The following HDAC5 variants were observed in gnomAD, a reference collection of about 807,000 sequenced individuals.
HDAC5 encodes histone deacetylase 5.
A neutral mutation model predicts 133.3 loss-of-function variants in HDAC5; 25 were observed. The ratio of observed to expected loss-of-function variants is 0.19; its 90% CI spans 0.14 to 0.26. The LOEUF is 0.26. Among genes scored for constraint, HDAC5 ranks in the 10% least tolerant of loss-of-function variants. HDAC5 has a pLI of 1.00. For missense variants in HDAC5, 1,041 were observed against 1,460.5 expected (o/e 0.71, Z 4.68); for synonymous variants, 589 against 610.8 (o/e 0.96, Z 0.53).
chr17:44,120,406 G>A (rs992582647), intron 1 of HDAC5: 1 of 152,166 alleles, frequency 6.6e-6, no homozygotes, highest in Admixed American at 6.5e-5. Context: ...CAAGTCTTGG[G>A]AGTCTGAGAT....
intron 3 of HDAC5, among the ~76,000 whole-genome samples, chr17:44,094,559 C>T (rs1235050023): frequency 6.6e-6 from 1 of 151,822 alleles, no homozygotes; most frequent in African/African-American, 2.4e-5. Context: ...ATCGCTTGAA[C>T]CCTGGAGGTG....
chr17:44,090,043 G>T (rs895302910), intron 11 of HDAC5, among the ~76,000 whole-genome samples: 12 of 151,930 alleles, frequency 7.9e-5, no homozygotes, highest in African/African-American at 2.9e-4. Flanking sequence ...GACCAGCCTG[G>T]CCAAGATGGT....
At chr17:44,094,624 G>A (rs1009638063) in intron 3 of HDAC5, among the ~76,000 whole-genome samples, 15 of 152,018 alleles carry the variant, frequency 9.9e-5, no homozygotes, top group Admixed American at 1.3e-4. Context: ...GCGACAGAGC[G>A]AGCCTCCATC....
rs953554615 is a variant in HDAC5, at chr17:44,087,614, T to A, written c.1682A>T (p.Glu561Val). ...CAGGGCTCCCTCCCCCAGCAAGACC[T>A]CCTGCTGCTCCGTCAGCTCCTCCTC... is the stretch of plus-strand genomic sequence containing the variant. ...ETEEELTEQQ[E>V]VLLGEGALTM... The change falls in exon 13 of 27, where the codon GAG becomes GTG. Residue 561 changes from glutamate (E) to valine (V), a missense_variant. Coordinates refer to ENST00000682912, the MANE Select transcript of HDAC5 (RefSeq NM_005474.5). 4 of 1,613,766 alleles carry A rather than the reference T, an allele frequency of 2.5e-6. No individual in the cohort carries two copies. In the African/African-American group the frequency reaches 5.3e-5, roughly 22 times the overall value.
chr17:44,079,305 A>C, intron 23 of HDAC5, 28 bp from the exon 24 acceptor site: 3 of 1,607,256 alleles, frequency 1.9e-6, no homozygotes, highest in Non-Finnish European at 2.6e-6. Flanking sequence ...GGGAGGAAGA[A>C]GAAATGGCGA....
chr17:44,087,244 C>T (rs1227460475), intron 13 of HDAC5, among the ~76,000 whole-genome samples, 168 bp downstream of exon 13: 1 of 151,986 alleles, frequency 6.6e-6, no homozygotes, highest in African/African-American at 2.4e-5. Context: ...ACAGCTCCCC[C>T]TTCTCCCCAC....
rs367647540 is a variant in HDAC5 at position 44,080,341 on chromosome 17, C to T, written c.2825+60G>A. On this transcript the variant is annotated intron_variant, in intron 22 of 26. Transcript: ENST00000682912. ...ACACTGAACTGAGTGCCTTCTGCCC[C>T]TCCCACTGCAGGGCCCAGAGGGGCT... The T allele has an allele frequency of 1.3e-3, 2,079 of 1,575,048 alleles. 33 individuals carry two copies. The South Asian group carries it at 0.02, about 15-fold the overall frequency.
intron 16 of HDAC5, 27 bp from the exon 17 acceptor site, chr17:44,083,881 C>T (rs975160522): frequency 6.2e-6 from 10 of 1,607,904 alleles, no homozygotes; most frequent in African/African-American, 5.3e-5. Context: ...TAGAGCTACT[C>T]TAGAAGTGGC....
At chr17:44,101,032 G>A (rs905294231) in intron 3 of HDAC5, among the ~76,000 whole-genome samples, 3 of 149,408 alleles carry the variant, frequency 2.0e-5, no homozygotes, top group South Asian at 4.2e-4. Flanking sequence ...CTCATGATCC[G>A]CCCGCCTCAG....
At position 44,093,730 on chromosome 17, in the gene HDAC5, C is replaced by T. The variant is rs768682362; in HGVS notation, c.199G>A (p.Val67Met). The T allele has an allele frequency of 6.2e-7, 1 of 1,602,168 alleles. No homozygotes were observed. The highest frequency in any genetic ancestry group is 1.1e-5 in the South Asian group (1 of 89,308). Residue 67 changes from valine (V) to methionine (M), a missense_variant, in exon 4 of 27, where the codon GTG (valine) becomes ATG (methionine). Around this residue, in one of 9 missense-constraint regions of HDAC5, gnomAD observed 93 missense variants for 98.8 expected, o/e 0.94. Coordinates refer to ENST00000682912, the MANE Select transcript of HDAC5 (RefSeq NM_005474.5). ...VELRGALVGS[V>M]DPTLREQQLQ... ...TGCTGCTCCCGCAGTGTGGGGTCCA[C>T]AGAGCCCACCAGAGCCCCCCGTAGC... is the stretch of plus-strand genomic sequence containing the variant.
intron 14 of HDAC5, 50 bp downstream of exon 14, chr17:44,086,522 C>A (rs113298097): frequency 2.4e-6 from 3 of 1,263,316 alleles, no homozygotes; most frequent in South Asian, 7.7e-5. Flanking sequence ...ACACCACACA[C>A]AGGCCCTCTG....
chr17:44,082,907 C>G, intron 18 of HDAC5, 87 bp from the exon 19 acceptor site: 2 of 1,153,218 alleles, frequency 1.7e-6, no homozygotes, highest in Non-Finnish European at 2.5e-6. Flanking sequence ...ACAAGCCAGG[C>G]AGGGAAGTGA....
rs2050357892 is a variant in HDAC5, at chr17:44,080,898, G to GA, written c.2608-17dup. ...GGTGAATGTCCTATGAGGGGAGGTA[G>GA]AAGCATCGGGAAAATGGCCCGCGCT... On this transcript the variant is annotated splice_polypyrimidine_tract_variant and intron_variant, in intron 20 of 26. Transcript: ENST00000682912. 1.2e-6 allele frequency: 2 copies of GA among 1,613,974 alleles called. No individual in the cohort carries two copies. Among genetic ancestry groups the GA allele is most frequent in the African/African-American group, 2.7e-5 (2 of 74,922 alleles).
chr17:44,083,683 C>T (rs771427648), intron 17 of HDAC5, 31 bp from the exon 18 acceptor site: 1 of 1,592,396 alleles, frequency 6.3e-7, no homozygotes, highest in East Asian at 2.2e-5. Context: ...TTTCAGTGTG[C>T]CCCCTGCAGG....
At chr17:44,112,211 G>A (rs1013008332) in intron 2 of HDAC5, among the ~76,000 whole-genome samples, 1 of 152,134 alleles carries the variant, frequency 6.6e-6, no homozygotes, top group African/African-American at 2.4e-5. Context: ...CTTGAGGTTG[G>A]AACCTCGCTA....
chr17:44,109,534 T>C (rs1372214962), intron 3 of HDAC5, among the ~76,000 whole-genome samples: 1 of 152,216 alleles, frequency 6.6e-6, no homozygotes, highest in Non-Finnish European at 1.5e-5. Context: ...GGGCTAGTCT[T>C]CAGGGTCATG....
At chr17:44,102,760 G>A (rs1438597014) in intron 3 of HDAC5, among the ~76,000 whole-genome samples, 1 of 150,916 alleles carries the variant, frequency 6.6e-6, no homozygotes. Context: ...TCCGCCTCCT[G>A]GGTTCAAGCG....
chr17:44,094,791 T>C (rs1251370895), intron 3 of HDAC5, among the ~76,000 whole-genome samples: 1 of 152,016 alleles, frequency 6.6e-6, no homozygotes, highest in Non-Finnish European at 1.5e-5. Flanking sequence ...CATATGTGTG[T>C]GTATTTATCT....
chr17:44,080,936 T>A, intron 20 of HDAC5, 54 bp from the exon 21 acceptor site: 1 of 1,612,248 alleles, frequency 6.2e-7, no homozygotes, highest in Non-Finnish European at 8.5e-7. Flanking sequence ...GACCCAATGG[T>A]CAAATTCCAC....
Sources: allele counts gnomAD v4.1 joint callset (sites outside exome capture counted in the v4.1 genomes callset), GRCh38; gene constraint gnomAD v4.1.1; regional missense constraint gnomAD v4.1.1; transcripts MANE v1.5; gene names NCBI Gene and HGNC (gene_info 2026-07-23, HGNC 2026-07-21).